MAP4K5: variants seen among roughly 807,000 people sequenced by gnomAD.
MAP4K5 encodes MAPK/ERK kinase kinase kinase 5.
In MAP4K5, 82 loss-of-function variants were observed where a neutral mutation model predicts 135.6. The ratio of observed to expected loss-of-function variants is 0.60; its 90% CI spans 0.51 to 0.73. The LOEUF (loss-of-function observed/expected upper bound fraction) is 0.73, where lower values mean the gene tolerates loss of function less well. Ranked by LOEUF, MAP4K5 falls within the 30% of genes least tolerant of loss-of-function variation. The pLI is 0.00. For missense variants in MAP4K5, 907 were observed against 1,010.9 expected (o/e 0.90, Z 1.39); for synonymous variants, 347 against 335.0 (o/e 1.04, Z -0.39).
intron 14 of MAP4K5, chr14:50,449,941 T>G (rs917628251): frequency 3.0e-5 from 3 of 99,734 alleles, no homozygotes; most frequent in African/African-American, 9.0e-5. Flanking sequence ...TACTTTTTTG[T>G]TGTTGTTGTT....
At position 50,504,226 on chromosome 14, in the gene MAP4K5, A is replaced by G. The variant is rs992374315; in HGVS notation, c.166+574T>C. 7.2e-5 allele frequency among the ~76,000 whole-genome samples: 11 copies of G among 152,234 alleles called. No individual in the cohort carries two copies. The South Asian group carries it at 1.5e-3, about 20-fold the overall frequency. ...TGAACCAGCAAATGAACATACCACC[A>G]AATATTCGCTTACCTGGTCAAAAAC... On this transcript the variant is annotated intron_variant, in intron 3 of 32. Transcript: ENST00000682126.
At chr14:50,451,662 A>G (rs2036488127) in intron 14 of MAP4K5, among the ~76,000 whole-genome samples, 1 of 151,692 alleles carries the variant, frequency 6.6e-6, no homozygotes, top group Admixed American at 6.6e-5. Flanking sequence ...GATATGTTAC[A>G]GGTTTTTTTT....
chr14:50,501,018 TG>T (rs2037694771), intron 3 of MAP4K5, among the ~76,000 whole-genome samples: 1 of 152,170 alleles, frequency 6.6e-6, no homozygotes, highest in South Asian at 2.1e-4. Flanking sequence ...AAAAGACCAA[TG>T]GTGGGTAGTA....
intron 1 of MAP4K5, among the ~76,000 whole-genome samples, chr14:50,551,669 A>G (rs1386669075): frequency 6.6e-6 from 1 of 152,232 alleles, no homozygotes; most frequent in Non-Finnish European, 1.5e-5. Flanking sequence ...TCAAAAAGAT[A>G]ATATACATGA....
At chr14:50,506,650 T>C (rs781657586) in intron 2 of MAP4K5, among the ~76,000 whole-genome samples, 6 of 152,202 alleles carry the variant, frequency 3.9e-5, no homozygotes, top group Non-Finnish European at 7.3e-5. Flanking sequence ...CCACCAGGCC[T>C]GGCAAGAAAA....
intron 2 of MAP4K5, among the ~76,000 whole-genome samples, chr14:50,517,622 G>C (rs2038061402): frequency 6.6e-6 from 1 of 151,916 alleles, no homozygotes; most frequent in African/African-American, 2.4e-5. Flanking sequence ...ACAAAAATTA[G>C]CAGGGCATGA....
chr14:50,452,728 T>G (rs1234135283), intron 14 of MAP4K5, among the ~76,000 whole-genome samples: 1 of 152,054 alleles, frequency 6.6e-6, no homozygotes. Context: ...CTCTCAAACA[T>G]AGAGACATAC....
In MAP4K5 at chr14:50,462,701, G is replaced by C; in HGVS notation, c.900C>G (p.His300Gln). Residue 300 changes from histidine to glutamine, a missense_variant, in exon 13 of 33, where the codon CAC (histidine) becomes CAG (glutamine). His to Gln is a conservative substitution (Grantham distance 24). Coordinates refer to ENST00000682126, the MANE Select transcript of MAP4K5 (RefSeq NM_006575.6). The stretch of plus-strand genomic sequence containing the variant: ...CGTCATCTGCTTCAGTGTAATGTGC[G>C]TGGTTATCTGGATTGTTCACTTTGT... ...LLDKVNNPDN[H>Q]AHYTEADDDD... The C allele has an allele frequency of 1.9e-6, 3 of 1,605,512 alleles. No homozygotes were observed. In the South Asian group the frequency reaches 3.4e-5, roughly 18 times the overall value.
At chr14:50,434,129 G>A (rs191951119) in intron 28 of MAP4K5, among the ~76,000 whole-genome samples, 59 of 152,308 alleles carry the variant, frequency 3.9e-4, no homozygotes, top group African/African-American at 1.3e-3. Flanking sequence ...TACTTAGCAA[G>A]TCCAAAGATT....
At chr14:50,428,180 A>C (rs1313150274) in intron 30 of MAP4K5, among the ~76,000 whole-genome samples, 3 of 152,232 alleles carry the variant, frequency 2.0e-5, no homozygotes, top group Non-Finnish European at 4.4e-5. Flanking sequence ...AAAAAATGAA[A>C]ATGTAGCACT....
chr14:50,541,218 G>A (rs1174583832), intron 2 of MAP4K5, among the ~76,000 whole-genome samples: 3 of 152,214 alleles, frequency 2.0e-5, no homozygotes, highest in African/African-American at 7.2e-5. Context: ...TCTGTTCTAT[G>A]ATAGAGTATC....
chr14:50,513,024 A>C (rs1280078214), intron 2 of MAP4K5, among the ~76,000 whole-genome samples: 1 of 152,190 alleles, frequency 6.6e-6, no homozygotes, highest in Non-Finnish European at 1.5e-5. Context: ...ACTCAGACTT[A>C]AGATATACTA....
chr14:50,460,278 G>A (rs757671203), intron 13 of MAP4K5, among the ~76,000 whole-genome samples: 3 of 152,070 alleles, frequency 2.0e-5, no homozygotes, highest in South Asian at 2.1e-4. Context: ...TACTATGAGC[G>A]TTATAAAAGC....
intron 1 of MAP4K5, among the ~76,000 whole-genome samples, chr14:50,551,794 A>T (rs1349569827): frequency 6.6e-6 from 1 of 152,228 alleles, no homozygotes; most frequent in Non-Finnish European, 1.5e-5. Flanking sequence ...CAGGAAAAGC[A>T]TTTGATAAAA....
At chr14:50,493,609 G>A (rs544979368) in intron 3 of MAP4K5, among the ~76,000 whole-genome samples, 23 of 152,034 alleles carry the variant, frequency 1.5e-4, no homozygotes, top group Non-Finnish European at 2.6e-4. Flanking sequence ...TAGCAAAATT[G>A]TAAGATACAA....
chr14:50,483,224 T>C (rs114067606), intron 5 of MAP4K5: 50 of 152,308 alleles, frequency 3.3e-4, no homozygotes, highest in African/African-American at 1.2e-3. Context: ...CTTGATCCAG[T>C]ACCTTATCTA....
At chr14:50,520,820 C>CTTTT (rs139101824) in intron 2 of MAP4K5, among the ~76,000 whole-genome samples, 1 of 107,942 alleles carries the variant, frequency 9.3e-6, no homozygotes. Flanking sequence ...GCAAAGTCAT[C>CTTTT]TTTTTTTTTT....
At chr14:50,435,207 G>A (rs925285331) in intron 26 of MAP4K5, 142 bp from the exon 27 acceptor site, 11 of 474,030 alleles carry the variant, frequency 2.3e-5, no homozygotes, top group African/African-American at 7.8e-5. Flanking sequence ...TGCCTTTTCC[G>A]TTTTACTTTC....
At chr14:50,514,680 G>A (rs905088227) in intron 2 of MAP4K5, among the ~76,000 whole-genome samples, 3 of 152,140 alleles carry the variant, frequency 2.0e-5, no homozygotes, top group Admixed American at 1.3e-4. Context: ...GACTTTCCTG[G>A]GAGGAGTGGT....
Sources: allele counts gnomAD v4.1 joint callset (sites outside exome capture counted in the v4.1 genomes callset), GRCh38; gene constraint gnomAD v4.1.1; transcripts MANE v1.5; gene names NCBI Gene and HGNC (gene_info 2026-07-23, HGNC 2026-07-21).